The following FMNL2 variants were observed in gnomAD, a reference collection of about 807,000 sequenced individuals.
FMNL2 encodes formin like 2, also known as formin-like protein 2.
In FMNL2, 51 loss-of-function variants were observed where a neutral mutation model predicts 130.2. That is an observed-to-expected ratio of 0.39 (90% confidence interval 0.31 to 0.49). The LOEUF (loss-of-function observed/expected upper bound fraction) is 0.49. Ranked by LOEUF, FMNL2 falls within the 20% of genes least tolerant of loss-of-function variation. FMNL2 has a pLI of 0.85. For synonymous variants in FMNL2, 465 were observed against 467.1 expected (o/e 1.00, Z 0.06); for missense variants, 977 against 1,316.2 (o/e 0.74, Z 3.99).
intron 15 of FMNL2, among the ~76,000 whole-genome samples, chr2:152,621,599 C>T (rs1029665634): frequency 6.6e-6 from 1 of 152,110 alleles, no homozygotes; most frequent in African/African-American, 2.4e-5. Context: ...CCATAAGTGT[C>T]CACTAAATGA....
At chr2:152,440,112 A>G (rs756784489) in intron 1 of FMNL2, among the ~76,000 whole-genome samples, 2 of 151,926 alleles carry the variant, frequency 1.3e-5, no homozygotes, top group Admixed American at 6.6e-5. Context: ...GCTTTACTGC[A>G]TGTTTATTAT....
intron 1 of FMNL2, among the ~76,000 whole-genome samples, chr2:152,409,975 CGA>C (rs1378762344): frequency 3.3e-5 from 5 of 151,876 alleles, no homozygotes; most frequent in Non-Finnish European, 7.4e-5. Context: ...TGTGTGAACT[CGA>C]GACAAAACGA....
intron 10 of FMNL2, among the ~76,000 whole-genome samples, chr2:152,611,091 A>G (rs760192915): frequency 1.3e-5 from 2 of 152,258 alleles, no homozygotes; most frequent in Admixed American, 1.3e-4. Context: ...CTGTAATCCC[A>G]GCACTTTGGG....
chr2:152,370,325 T>C (rs1333203440), intron 1 of FMNL2, among the ~76,000 whole-genome samples: 1 of 152,164 alleles, frequency 6.6e-6, no homozygotes, highest in Non-Finnish European at 1.5e-5. Context: ...GGTCTCTTTT[T>C]ATAAGGGCAC....
intron 1 of FMNL2, among the ~76,000 whole-genome samples, chr2:152,510,736 A>T (rs1261551409): frequency 6.6e-6 from 1 of 152,208 alleles, no homozygotes; most frequent in Admixed American, 6.5e-5. Flanking sequence ...GAAGGAGAAA[A>T]CTAAGAGCAG....
At chr2:152,336,089 A>C (rs1163178073) in intron 1 of FMNL2, among the ~76,000 whole-genome samples, 1 of 102,216 alleles carries the variant, frequency 9.8e-6, no homozygotes, top group Admixed American at 9.6e-5. Flanking sequence ...CTTTTTTTTT[A>C]AAAAAAACAA....
At chr2:152,634,603 G>C (rs1158167193) in intron 21 of FMNL2, among the ~76,000 whole-genome samples, 4 of 152,224 alleles carry the variant, frequency 2.6e-5, no homozygotes, top group African/African-American at 9.7e-5. Context: ...GGTTGTGGAA[G>C]CATTTTCCCT....
At chr2:152,595,248 A>G (rs1257999034) in intron 9 of FMNL2, among the ~76,000 whole-genome samples, 2 of 152,188 alleles carry the variant, frequency 1.3e-5, no homozygotes, top group African/African-American at 4.8e-5. Flanking sequence ...TGTCAAGAAC[A>G]TGTTTAGCAC....
intron 9 of FMNL2, among the ~76,000 whole-genome samples, chr2:152,598,044 A>C (rs986534613): frequency 6.6e-6 from 1 of 152,186 alleles, no homozygotes; most frequent in Non-Finnish European, 1.5e-5. Context: ...CATTCATGGC[A>C]CACCATGCAC....
intron 1 of FMNL2, among the ~76,000 whole-genome samples, chr2:152,341,292 T>C (rs754140706): frequency 6.6e-6 from 1 of 152,196 alleles, no homozygotes; most frequent in African/African-American, 2.4e-5. Flanking sequence ...AGGGCTGTTA[T>C]CATTATCAGG....
chr2:152,583,184 C>T (rs16823813), intron 9 of FMNL2, among the ~76,000 whole-genome samples: 35,921 of 152,024 alleles, frequency 0.24, 5,954 homozygotes, highest in African/African-American at 0.47. Flanking sequence ...ACATTGAATT[C>T]TTAGAGCTTT....
intron 15 of FMNL2, chr2:152,622,681 G>C (rs1681433503): frequency 2.2e-6 from 1 of 451,884 alleles, no homozygotes; most frequent in African/African-American, 2.0e-5. Context: ...GTGTCTGCGG[G>C]AAGTCTTGGT....
At chr2:152,348,822 T>G (rs1682286227) in intron 1 of FMNL2, among the ~76,000 whole-genome samples, 1 of 109,798 alleles carries the variant, frequency 9.1e-6, no homozygotes, top group Non-Finnish European at 1.9e-5. Flanking sequence ...CTAAGGGTTT[T>G]TTTTTTTTTT....
Position 152,428,518 on chromosome 2 carries a change from G to A in FMNL2, c.117+92798G>A, listed in dbSNP as rs17399003. Among the ~76,000 whole-genome samples, 541 of 152,174 alleles carry A rather than the reference G, an allele frequency of 3.6e-3. 4 individuals carry two copies. Among genetic ancestry groups the A allele is most frequent in the Middle Eastern group, 0.034 (10 of 294 alleles). On this transcript the variant is annotated intron_variant, in intron 1 of 25. Coordinates refer to ENST00000288670, the MANE Select transcript of FMNL2 (RefSeq NM_052905.4). ...CATTTAGTTTCTTGATGTCTTCTAG[G>A]TTAGCTTATTGCATAATTTAAGAGC... is the stretch of plus-strand genomic sequence containing the variant.
At chr2:152,356,516 G>T (rs569958228) in intron 1 of FMNL2, among the ~76,000 whole-genome samples, 4 of 152,290 alleles carry the variant, frequency 2.6e-5, no homozygotes, top group Middle Eastern at 3.4e-3. Flanking sequence ...TTCTGGATTT[G>T]CAAATTTGCC....
At chr2:152,412,468 A>T (rs1451575564) in intron 1 of FMNL2, among the ~76,000 whole-genome samples, 4 of 17,960 alleles carry the variant, frequency 2.2e-4, no homozygotes, top group Non-Finnish European at 6.0e-4. Flanking sequence ...ATATATATAT[A>T]TATATATATA....
intron 6 of FMNL2, among the ~76,000 whole-genome samples, chr2:152,563,070 C>A (rs1695624646): frequency 6.6e-6 from 1 of 152,136 alleles, no homozygotes; most frequent in African/African-American, 2.4e-5. Flanking sequence ...AGGGATGTAA[C>A]CCTGGATGCT....
chr2:152,627,277 G>A (rs1324830980), intron 17 of FMNL2, among the ~76,000 whole-genome samples: 1 of 152,166 alleles, frequency 6.6e-6, no homozygotes, highest in African/African-American at 2.4e-5. Context: ...GTACTTTCAG[G>A]ACATTTTAAA....
chr2:152,395,921 G>A (rs113812707), intron 1 of FMNL2, among the ~76,000 whole-genome samples: 8,028 of 150,920 alleles, frequency 0.053, 477 homozygotes, highest in Admixed American at 0.18. Context: ...GGCGGCGGCA[G>A]GCAAAACAGT....
Sources: gnomAD v4.1 joint callset for allele counts (sites outside exome capture counted in the v4.1 genomes callset) on GRCh38, gnomAD v4.1.1 for gene constraint, MANE v1.5 for transcripts, NCBI Gene and HGNC (gene_info 2026-07-23, HGNC 2026-07-21) for gene names.